Variants in FER1L6 observed in about 807,000 individuals in gnomAD.
FER1L6 encodes the protein fer-1 like family member 6, also known as fer-1-like protein 6.
FER1L6 carries 177 observed loss-of-function variants against 219.2 expected under a neutral mutation model. The observed-to-expected ratio is 0.81, with a 90% CI of 0.71 to 0.91. The LOEUF (loss-of-function observed/expected upper bound fraction) is 0.91, where lower values mean the gene tolerates loss of function less well. FER1L6 is among the 40% of genes least tolerant of loss of function. The probability of loss-of-function intolerance (pLI) is 0.00; values close to 1 mark genes in which losing one functional copy is unlikely to be tolerated. For missense variants in FER1L6, 2,153 were observed against 2,259.9 expected (o/e 0.95, Z 0.96); for synonymous variants, 768 against 824.3 (o/e 0.93, Z 1.17).
intron 12 of FER1L6, among the ~76,000 whole-genome samples, chr8:123,996,138 A>T (rs971929134): frequency 6.6e-6 from 1 of 152,170 alleles, no homozygotes; most frequent in Non-Finnish European, 1.5e-5. Context: ...TAGCCATTAG[A>T]AGAAATGTCC....
chr8:124,039,860 C>T (rs745587648), intron 19 of FER1L6, 22 bp from the exon 20 acceptor site: 3 of 1,613,976 alleles, frequency 1.9e-6, no homozygotes, highest in South Asian at 2.2e-5. Flanking sequence ...AACACCTGCC[C>T]CCTTCCATGA....
At chr8:124,058,324 T>C (rs1820402344) in intron 22 of FER1L6, among the ~76,000 whole-genome samples, 1 of 152,194 alleles carries the variant, frequency 6.6e-6, no homozygotes, top group African/African-American at 2.4e-5. Context: ...TTTACTTCCA[T>C]GGGGATATTA....
chr8:123,974,659 C>CAAAAAAAAAAAAAAAAAAAAAAAAAAAAA (rs994690186), intron 7 of FER1L6, among the ~76,000 whole-genome samples: 504 of 47,730 alleles, frequency 0.011, 13 homozygotes, highest in Non-Finnish European at 0.017. Flanking sequence ...GACTCTGTCT[C>CAAAAAAAAAAAAAAAAAAAAAAAAAAAAA]AAAAAAAAAA....
chr8:124,010,847 G>A, intron 14 of FER1L6, 133 bp downstream of exon 14: 1 of 1,251,938 alleles, frequency 8.0e-7, no homozygotes, highest in Non-Finnish European at 1.1e-6. Context: ...CATTTGGAGG[G>A]CACGTGGATC....
intron 32 of FER1L6, 92 bp from the exon 33 acceptor site, chr8:124,082,196 A>T (rs916966598): frequency 2.0e-6 from 2 of 990,272 alleles, no homozygotes; most frequent in African/African-American, 3.2e-5. Flanking sequence ...ATGAGTTCAC[A>T]TGAATAGCGG....
chr8:123,992,962 A>T (rs939491386), intron 12 of FER1L6, among the ~76,000 whole-genome samples: 44 of 152,212 alleles, frequency 2.9e-4, no homozygotes, highest in African/African-American at 9.9e-4. Flanking sequence ...TTAAACCAAA[A>T]ATCATTCAGG....
intron 33 of FER1L6, among the ~76,000 whole-genome samples, chr8:124,090,843 G>C (rs189062242): frequency 6.6e-6 from 1 of 152,204 alleles, no homozygotes; most frequent in East Asian, 1.9e-4. Flanking sequence ...TTTTGGTGGG[G>C]TGGTGGGGTA....
intron 38 of FER1L6, 69 bp from the exon 39 acceptor site, chr8:124,103,077 G>T: frequency 7.5e-7 from 1 of 1,339,146 alleles, no homozygotes; most frequent in Non-Finnish European, 1.1e-6. Context: ...GAATGAGGAT[G>T]GTGATTGAGA....
chr8:123,995,979 G>A (rs1394920221), intron 12 of FER1L6, among the ~76,000 whole-genome samples: 5 of 151,974 alleles, frequency 3.3e-5, no homozygotes, highest in African/African-American at 7.2e-5. Flanking sequence ...AATTTCTCGC[G>A]TTACTGATTT....
At chr8:124,002,918 CT>C (rs1817480900) in intron 12 of FER1L6, among the ~76,000 whole-genome samples, 1 of 151,972 alleles carries the variant, frequency 6.6e-6, no homozygotes, top group Non-Finnish European at 1.5e-5. Context: ...TCTAATGACT[CT>C]TTTTTTAGTT....
intron 16 of FER1L6, among the ~76,000 whole-genome samples, chr8:124,021,268 G>C (rs572963836): frequency 1.3e-5 from 2 of 152,276 alleles, no homozygotes; most frequent in South Asian, 2.1e-4. Flanking sequence ...TGTCAGCTTG[G>C]ATTCAGGTGC....
intron 1 of FER1L6, among the ~76,000 whole-genome samples, chr8:123,935,364 A>C (rs549977684): frequency 6.6e-6 from 1 of 152,176 alleles, no homozygotes; most frequent in African/African-American, 2.4e-5. Context: ...GCACTTCCTT[A>C]GTTTCTGGAA....
intron 35 of FER1L6, among the ~76,000 whole-genome samples, chr8:124,096,887 A>T (rs1822318650): frequency 1.3e-5 from 2 of 152,286 alleles, no homozygotes; most frequent in African/African-American, 4.8e-5. Context: ...TCTATTAAGC[A>T]TGGGCAAAAT....
At chr8:123,970,890 C>A (rs1815775107) in intron 6 of FER1L6, among the ~76,000 whole-genome samples, 1 of 152,144 alleles carries the variant, frequency 6.6e-6, no homozygotes, top group Non-Finnish European at 1.5e-5. Context: ...GGGACAGAGA[C>A]CAATGGATGA....
intron 1 of FER1L6, among the ~76,000 whole-genome samples, chr8:123,953,879 G>A (rs1056062990): frequency 2.6e-5 from 4 of 152,090 alleles, no homozygotes; most frequent in African/African-American, 9.7e-5. Flanking sequence ...GCTTGGGAAC[G>A]ACCCTTTGAA....
At chr8:124,059,198 C>A (rs1418385337) in intron 22 of FER1L6, among the ~76,000 whole-genome samples, 1 of 152,276 alleles carries the variant, frequency 6.6e-6, no homozygotes, top group East Asian at 1.9e-4. Flanking sequence ...GTAAGGAGAA[C>A]CACCTGCTCC....
chr8:123,970,024 T>A lies in FER1L6; in HGVS notation c.385-11T>A. 1.9e-6 allele frequency: 3 copies of A among 1,613,678 alleles called. No homozygotes were observed. The highest frequency in any genetic ancestry group is 2.5e-6 in the Non-Finnish European group (3 of 1,179,592). On this transcript the variant is annotated splice_polypyrimidine_tract_variant and intron_variant, in intron 5 of 40. Coordinates refer to ENST00000522917, the MANE Select transcript of FER1L6 (RefSeq NM_001039112.2). ...GGGGTTGATGACCAGAATGAACTTT[T>A]TGTTTTGCAGTACTTTGTCTTCGAC...
At position 123,975,887 on chromosome 8, in the gene FER1L6, C is replaced by T. The variant is rs377597785; in HGVS notation, c.684-11C>T. The stretch of plus-strand genomic sequence containing the variant: ...AGAGAGCTTTTTCATTTGTTTTTGT[C>T]TCCCTCTAAGGAACCTTTTGATCCC... On this transcript the variant is annotated splice_polypyrimidine_tract_variant and intron_variant, in intron 8 of 40. Transcript: ENST00000522917. The T allele has an allele frequency of 2.8e-5, 42 of 1,520,308 alleles. No individual in the cohort carries two copies. The African/African-American group carries it at 5.6e-4, about 20-fold the overall frequency. 94.2% of individuals were successfully genotyped at this position (1,520,308 alleles called of 1,614,324 possible).
At chr8:123,929,798 C>T (rs754941294) in intron 1 of FER1L6, among the ~76,000 whole-genome samples, 36 of 152,210 alleles carry the variant, frequency 2.4e-4, no homozygotes, top group Non-Finnish European at 3.8e-4. Context: ...CATGAAAGCA[C>T]ATGAAAATTT....
Sources: gnomAD v4.1 joint callset for allele counts (sites outside exome capture counted in the v4.1 genomes callset) on GRCh38, gnomAD v4.1.1 for gene constraint, MANE v1.5 for transcripts, NCBI Gene and HGNC (gene_info 2026-07-23, HGNC 2026-07-21) for gene names.